SMAD2: variants seen among roughly 807,000 people sequenced by gnomAD.
The protein encoded by SMAD2 is SMAD family member 2.
SMAD2 carries 8 observed loss-of-function variants against 64.4 expected under a neutral mutation model. The ratio of observed to expected loss-of-function variants is 0.12; its 90% CI spans 0.07 to 0.22. The LOEUF (loss-of-function observed/expected upper bound fraction) is 0.22. Among genes scored for constraint, SMAD2 ranks in the 10% least tolerant of loss-of-function variants. SMAD2 has a pLI of 1.00. For missense variants in SMAD2, 289 were observed against 561.2 expected (o/e 0.51, Z 4.90); for synonymous variants, 203 against 195.8 (o/e 1.04, Z -0.31).
At position 47,818,745 on chromosome 18, in the gene SMAD2, AGGGGTTG is replaced by A. The variant is rs1176795858; in HGVS notation, c.*23075_*23081del. ...ATTTGAAACTGAAAAAAGGGAAAAA[AGGGGTTG>A]GGGAGGTGGGGTAAGAGGTTTTTTA... On this transcript the variant is annotated 3_prime_UTR_variant, in exon 11 of 11. Transcript: ENST00000262160. 2 of 152,226 alleles carry A rather than the reference AGGGGTTG, an allele frequency of 1.3e-5. No individual in the cohort carries two copies. The highest frequency in any genetic ancestry group is 2.9e-5 in the Non-Finnish European group (2 of 68,034). The allele number at this position is 152,226 out of a possible 1,614,324, so 9.4% of individuals were successfully genotyped here. A position where few individuals can be genotyped will look rare whatever the true frequency, so the allele number is the denominator to read the frequency against.
At chr18:47,922,918 A>C (rs569126522) in intron 1 of SMAD2, among the ~76,000 whole-genome samples, 2 of 152,352 alleles carry the variant, frequency 1.3e-5, no homozygotes, top group South Asian at 4.1e-4. Context: ...TCTTTTAAAC[A>C]AAAGCAAACA....
intron 1 of SMAD2, among the ~76,000 whole-genome samples, chr18:47,900,134 G>C (rs184044763): frequency 6.6e-6 from 1 of 152,140 alleles, no homozygotes; most frequent in Admixed American, 6.5e-5. Context: ...ATTTTAAAAA[G>C]GGAAAGAAAA....
intron 1 of SMAD2, among the ~76,000 whole-genome samples, chr18:47,924,692 C>A (rs1057179156): frequency 6.6e-6 from 1 of 152,120 alleles, no homozygotes; most frequent in Non-Finnish European, 1.5e-5. Flanking sequence ...AAACTCCTGA[C>A]CTCAAAGTGA....
At chr18:47,908,149 A>T (rs1294459463) in intron 1 of SMAD2, among the ~76,000 whole-genome samples, 3 of 152,226 alleles carry the variant, frequency 2.0e-5, no homozygotes, top group Non-Finnish European at 4.4e-5. Flanking sequence ...GTGACCAAAG[A>T]TGTAAGCTTG....
At position 47,896,589 on chromosome 18, in the gene SMAD2, T is replaced by C. The variant is rs201639241; in HGVS notation, c.168A>G (p.Gly56=). 4.3e-6 allele frequency: 7 copies of C among 1,614,144 alleles called. No individual in the cohort carries two copies. The highest frequency in any genetic ancestry group is 1.3e-5 in the African/African-American group (1 of 75,028). The part of the protein sequence containing the change: ...KSLVKKLKKT[G]RLDELEKAIT... ...TGGCTTTCTCAAGCTCATCTAATCG[T>C]CCTGTTTTCTTTAGCTTCTTCACCA... Residue 56 remains glycine (G), a synonymous_variant, in exon 2 of 11, where the codon GGA becomes GGG. Transcript: ENST00000262160.
At chr18:47,918,010 T>C (rs374678884) in intron 1 of SMAD2, among the ~76,000 whole-genome samples, 13 of 152,212 alleles carry the variant, frequency 8.5e-5, no homozygotes, top group African/African-American at 2.4e-4. Context: ...CTGAAAACCA[T>C]TGATTAACAC....
rs192675486 is a variant in SMAD2, at chr18:47,913,697, A to C, written c.-54+16664T>G. Among the ~76,000 whole-genome samples the C allele has an allele frequency of 3.0e-3, 451 of 152,344 alleles. 1 individual carries two copies. The highest frequency in any genetic ancestry group is 4.2e-3 in the Admixed American group (65 of 15,304). ...AACAGATAACAATGTGTTCCAGGTTAAAAACAAATGAAATACAAAAAAGAA... is the reference window on the plus strand; with the variant it reads ...AACAGATAACAATGTGTTCCAGGTTCAAAACAAATGAAATACAAAAAAGAA... On this transcript the variant is annotated intron_variant, in intron 1 of 10. Transcript: ENST00000262160.
chr18:47,892,724 T>G (rs1473953864), intron 2 of SMAD2, among the ~76,000 whole-genome samples: 1 of 152,186 alleles, frequency 6.6e-6, no homozygotes, highest in East Asian at 1.9e-4. Context: ...TCCAATGGAC[T>G]GGTGGAAAAA....
intron 2 of SMAD2, among the ~76,000 whole-genome samples, chr18:47,880,644 C>A (rs2032532156): frequency 6.6e-6 from 1 of 152,072 alleles, no homozygotes; most frequent in South Asian, 2.1e-4. Context: ...GGTTGGTCTC[C>A]TCATTATAAA....
intron 2 of SMAD2, chr18:47,895,481 T>G (rs900214213): frequency 3.9e-5 from 6 of 152,372 alleles, no homozygotes; most frequent in Non-Finnish European, 7.3e-5. Context: ...TGTATTTCTA[T>G]CCCTTAGGAA....
intron 6 of SMAD2, among the ~76,000 whole-genome samples, chr18:47,864,072 A>G (rs944597924): frequency 6.6e-6 from 1 of 152,200 alleles, no homozygotes; most frequent in East Asian, 1.9e-4. Flanking sequence ...CAGGCAAAAA[A>G]GAATATTATT....
In SMAD2 at chr18:47,851,359, T is replaced by C. The variant is rs200198800; in HGVS notation, c.731-32A>G. The C allele has an allele frequency of 5.5e-6, 8 of 1,449,866 alleles. No homozygotes were observed. The East Asian group carries it at 1.8e-4, about 33-fold the overall frequency. 89.8% of individuals were successfully genotyped at this position (1,449,866 alleles called of 1,614,324 possible). A position where few individuals can be genotyped will look rare whatever the true frequency, so the allele number is the denominator to read the frequency against. On this transcript the variant is annotated intron_variant, in intron 6 of 10. Transcript: ENST00000262160. ...CAAAAGGATTTAAAAATAAATGAAG[T>C]ATTTCCAGAACTTCTGATCAAGTAA...
chr18:47,888,671 G>A (rs2033036890), intron 2 of SMAD2, among the ~76,000 whole-genome samples: 1 of 152,214 alleles, frequency 6.6e-6, no homozygotes, highest in Admixed American at 6.5e-5. Context: ...ATTAAGGGGA[G>A]CTTCTCTCTA....
chr18:47,929,641 G>A (rs2034915328), intron 1 of SMAD2, among the ~76,000 whole-genome samples: 1 of 152,124 alleles, frequency 6.6e-6, no homozygotes. Context: ...TGCTTTTAAA[G>A]GGTCAAGAGA....
chr18:47,921,650 ATT>A (rs1258836169), intron 1 of SMAD2, among the ~76,000 whole-genome samples: 1 of 152,050 alleles, frequency 6.6e-6, no homozygotes, highest in Admixed American at 6.6e-5. Context: ...TCATTTTTTA[ATT>A]TTTTTAAGCA....
rs898064028 is a variant in SMAD2 at position 47,830,533 on chromosome 18, C to T, written c.*11294G>A. ...CGAGGCTGCAGTGAGCCGAGATCGC[C>T]CCACTGCACCCCAGCCTGGGCAACA... On this transcript the variant is annotated 3_prime_UTR_variant, in exon 11 of 11. Transcript: ENST00000262160. 3 of 150,148 alleles carry T rather than the reference C, an allele frequency of 2.0e-5. No homozygotes were observed. Among genetic ancestry groups the T allele is most frequent in the African/African-American group, 7.4e-5 (3 of 40,364 alleles). The allele number at this position is 150,148 out of a possible 1,614,324, so 9.3% of individuals were successfully genotyped here. A position where few individuals can be genotyped will look rare whatever the true frequency, so the allele number is the denominator to read the frequency against.
Position 47,818,619 on chromosome 18 carries a change from T to A in SMAD2, c.*23208A>T, listed in dbSNP as rs1301247138. The A allele has an allele frequency of 6.6e-6, 1 of 152,212 alleles. No individual in the cohort carries two copies. Among genetic ancestry groups the A allele is most frequent in the African/African-American group, 2.4e-5 (1 of 41,448 alleles). The allele number at this position is 152,212 out of a possible 1,614,324, so 9.4% of individuals were successfully genotyped here. A position where few individuals can be genotyped will look rare whatever the true frequency, so the allele number is the denominator to read the frequency against. ...AAAACCAGAATGGCAAACAAAAGAT[T>A]TGTTACTAAAAATTCAAGGCCACCT... On this transcript the variant is annotated 3_prime_UTR_variant, in exon 11 of 11. Transcript: ENST00000262160.
At chr18:47,906,507 C>T (rs2033909634) in intron 1 of SMAD2, among the ~76,000 whole-genome samples, 1 of 152,064 alleles carries the variant, frequency 6.6e-6, no homozygotes, top group South Asian at 2.1e-4. Flanking sequence ...CAAACTAAAA[C>T]CATAATGCAA....
intron 3 of SMAD2, 140 bp downstream of exon 3, chr18:47,870,335 G>T: frequency 1.5e-6 from 1 of 661,186 alleles, no homozygotes; most frequent in East Asian, 2.7e-5. Flanking sequence ...CTGGCAAGCA[G>T]ATATTTTAAA....
Sources: allele counts gnomAD v4.1 joint callset (sites outside exome capture counted in the v4.1 genomes callset), GRCh38; gene constraint gnomAD v4.1.1; transcripts MANE v1.5; gene names NCBI Gene and HGNC (gene_info 2026-07-23, HGNC 2026-07-21).